Variants in SBF2 observed in about 807,000 individuals in gnomAD.
The protein encoded by SBF2 is myotubularin-related protein 13.
Under a neutral mutation model 225.2 loss-of-function variants are expected in SBF2, and 112 were observed. The observed-to-expected ratio is 0.50, with a 90% CI of 0.43 to 0.58. SBF2 has a LOEUF of 0.58. Among genes scored for constraint, SBF2 ranks in the 20% least tolerant of loss-of-function variants. The pLI is 0.00. For missense variants in SBF2, 1,996 were observed against 2,206.2 expected, an observed-to-expected ratio of 0.90 and a Z score of 1.91; for synonymous variants, 763 against 773.3, an observed-to-expected ratio of 0.99 and a Z score of 0.22.
At chr11:9,987,980 A>G (rs1947269617) in intron 13 of SBF2, among the ~76,000 whole-genome samples, 1 of 152,218 alleles carries the variant, frequency 6.6e-6, no homozygotes, top group South Asian at 2.1e-4. Context: ...AAGCAAAAAG[A>G]ACAAATTTAG....
intron 7 of SBF2, among the ~76,000 whole-genome samples, 186 bp downstream of exon 7, chr11:10,002,371 T>C (rs1948008075): frequency 6.6e-6 from 1 of 152,212 alleles, no homozygotes; most frequent in Non-Finnish European, 1.5e-5. Context: ...CAACATTCAG[T>C]AATGGACAAC....
intron 1 of SBF2, among the ~76,000 whole-genome samples, chr11:10,204,746 G>A (rs755049527): frequency 4.0e-5 from 6 of 151,680 alleles, no homozygotes; most frequent in African/African-American, 9.7e-5. Context: ...GAAACCAAAC[G>A]CAAAAGGCTA....
intron 2 of SBF2, among the ~76,000 whole-genome samples, chr11:10,081,941 T>C (rs1174680143): frequency 6.6e-6 from 1 of 151,302 alleles, no homozygotes; most frequent in African/African-American, 2.4e-5. Flanking sequence ...CAACAAAAAA[T>C]TAAAAAGTTG....
At chr11:9,994,079 G>C (rs1400177430) in intron 9 of SBF2, 81 bp from the exon 10 acceptor site, 2 of 1,002,956 alleles carry the variant, frequency 2.0e-6, no homozygotes, top group Non-Finnish European at 3.1e-6. Context: ...GAAAATGTCA[G>C]CATATGAATT....
chr11:9,939,531 G>A (rs1865123343), intron 16 of SBF2, among the ~76,000 whole-genome samples: 1 of 152,156 alleles, frequency 6.6e-6, no homozygotes, highest in South Asian at 2.1e-4. Flanking sequence ...CTTTTCATGG[G>A]TGAGGCCCTA....
chr11:9,782,263 T>A (rs1036265429), intron 38 of SBF2, among the ~76,000 whole-genome samples: 1 of 150,672 alleles, frequency 6.6e-6, no homozygotes, highest in Non-Finnish European at 1.5e-5. Context: ...TTTAGTAATA[T>A]ACAGAATTCC....
chr11:10,115,237 T>A (rs761213377), intron 2 of SBF2, among the ~76,000 whole-genome samples: 93 of 152,350 alleles, frequency 6.1e-4, no homozygotes, highest in South Asian at 1.9e-3. Flanking sequence ...CTATCCCAAG[T>A]ACTGGCAGTT....
At chr11:10,192,018 T>C (rs1174830987) in intron 2 of SBF2, among the ~76,000 whole-genome samples, 1 of 152,136 alleles carries the variant, frequency 6.6e-6, no homozygotes, top group African/African-American at 2.4e-5. Flanking sequence ...CTCTCCACAC[T>C]TTGATGTGAA....
intron 1 of SBF2, among the ~76,000 whole-genome samples, chr11:10,304,173 A>G (rs570810075): frequency 6.6e-6 from 1 of 152,302 alleles, no homozygotes; most frequent in South Asian, 2.1e-4. Context: ...GTGAAGCTCA[A>G]AGTAGACTGG....
chr11:10,252,899 C>T (rs186769821), intron 1 of SBF2, among the ~76,000 whole-genome samples: 4 of 151,888 alleles, frequency 2.6e-5, no homozygotes, highest in Admixed American at 1.3e-4. Context: ...ACCTCACTTC[C>T]GATTTCTCTA....
intron 2 of SBF2, among the ~76,000 whole-genome samples, chr11:10,061,394 G>C (rs1182473718): frequency 1.3e-5 from 2 of 152,144 alleles, no homozygotes; most frequent in Non-Finnish European, 2.9e-5. Context: ...AAGAGAGGAA[G>C]TCAAACTATA....
upstream of SBF2, among the ~76,000 whole-genome samples, chr11:10,294,829 C>T (rs765761704): frequency 4.6e-5 from 7 of 152,244 alleles, no homozygotes; most frequent in Non-Finnish European, 7.3e-5. Flanking sequence ...GCGGCATCCC[C>T]GGGATCCTCC....
rs867171492 is a variant in SBF2, at chr11:9,856,402, C to T, written c.2363+56G>A. 9 of 1,608,932 alleles carry T rather than the reference C, an allele frequency of 5.6e-6. No homozygotes were observed. The Middle Eastern group carries it at 8.6e-4, about 154-fold the overall frequency. ...AAAATGTTTAATATTATCTGTCAAG[C>T]CAAGACTGGCCCCAAGAAGAGTAGG... is the stretch of plus-strand genomic sequence containing the variant. On this transcript the variant is annotated intron_variant, in intron 19 of 39. Coordinates refer to ENST00000256190, the MANE Select transcript of SBF2 (RefSeq NM_030962.4).
chr11:9,876,546 C>G (rs1009916745), intron 17 of SBF2, among the ~76,000 whole-genome samples: 1 of 152,174 alleles, frequency 6.6e-6, no homozygotes, highest in Admixed American at 6.5e-5. Context: ...CTCCCCACTG[C>G]CCCACGTTCT....
At chr11:9,992,309 C>T (rs762954937) in intron 12 of SBF2, 106 bp downstream of exon 12, 3 of 815,832 alleles carry the variant, frequency 3.7e-6, no homozygotes, top group Middle Eastern at 3.3e-4. Context: ...TTATTTAATA[C>T]CTAATTTATA....
chr11:10,174,258 T>C (rs556359591), intron 2 of SBF2, among the ~76,000 whole-genome samples: 43 of 152,172 alleles, frequency 2.8e-4, no homozygotes, highest in Non-Finnish European at 5.0e-4. Context: ...AGTTGAAAAC[T>C]GTGAAAAAAG....
At chr11:10,147,708 T>C (rs995079890) in intron 2 of SBF2, among the ~76,000 whole-genome samples, 9 of 152,152 alleles carry the variant, frequency 5.9e-5, no homozygotes, top group African/African-American at 2.2e-4. Flanking sequence ...CATGAACCCC[T>C]GAACTATAAC....
intron 2 of SBF2, among the ~76,000 whole-genome samples, chr11:10,052,133 C>G (rs1950087558): frequency 6.8e-6 from 1 of 147,692 alleles, no homozygotes; most frequent in Admixed American, 7.0e-5. Context: ...ATTTTTCTCT[C>G]CCCAGTGTCT....
chr11:9,934,327 C>CA (rs888418026), intron 16 of SBF2, among the ~76,000 whole-genome samples: 2 of 151,964 alleles, frequency 1.3e-5, no homozygotes, highest in African/African-American at 2.4e-5. Context: ...CTACCAACAA[C>CA]AAAAAAAGTC....
Sources: allele counts gnomAD v4.1 joint callset (sites outside exome capture counted in the v4.1 genomes callset), GRCh38; gene constraint gnomAD v4.1.1; transcripts MANE v1.5; gene names NCBI Gene and HGNC (gene_info 2026-07-23, HGNC 2026-07-21).